WIPF3: variants seen among roughly 807,000 people sequenced by gnomAD.
WIPF3 encodes the protein WAS/WASL-interacting protein family member 3.
In WIPF3, 33 loss-of-function variants were observed where a neutral mutation model predicts 38.9. That is an observed-to-expected ratio of 0.85 (90% confidence interval 0.64 to 1.14). WIPF3 has a LOEUF of 1.14. Ranked by LOEUF, WIPF3 falls within the 50% of genes most tolerant of loss-of-function variation. The probability of loss-of-function intolerance (pLI) is 0.00; values close to 1 mark genes in which losing one functional copy is unlikely to be tolerated. For synonymous variants in WIPF3, 324 were observed against 269.3 expected, an observed-to-expected ratio of 1.20 and a Z score of -1.99; for missense variants, 711 against 652.5, an observed-to-expected ratio of 1.09 and a Z score of -0.98.
At chr7:29,832,199 A>G (rs904212180) in intron 1 of WIPF3, among the ~76,000 whole-genome samples, 1 of 152,192 alleles carries the variant, frequency 6.6e-6, no homozygotes, top group African/African-American at 2.4e-5. Flanking sequence ...TTTGCTATAA[A>G]TTTTTGACTA....
At chr7:29,817,375 T>C (rs1161011882) in intron 1 of WIPF3, among the ~76,000 whole-genome samples, 1 of 152,174 alleles carries the variant, frequency 6.6e-6, no homozygotes, top group African/African-American at 2.4e-5. Flanking sequence ...TATGTATTTA[T>C]TGCTTTGCAG....
chr7:29,868,517 A>AGTAT (rs1398376357), intron 2 of WIPF3, among the ~76,000 whole-genome samples: 1 of 72,772 alleles, frequency 1.4e-5, no homozygotes, highest in Non-Finnish European at 3.5e-5. Flanking sequence ...AATAATGAGA[A>AGTAT]GTATATATAT....
chr7:29,908,439 A>C (rs1220763929), intron 8 of WIPF3, among the ~76,000 whole-genome samples: 1 of 152,240 alleles, frequency 6.6e-6, no homozygotes, highest in African/African-American at 2.4e-5. Flanking sequence ...TGGGTGAAAC[A>C]ACCAGACAGG....
intron 2 of WIPF3, among the ~76,000 whole-genome samples, chr7:29,869,008 C>T (rs1785443431): frequency 6.6e-6 from 1 of 152,040 alleles, no homozygotes; most frequent in Non-Finnish European, 1.5e-5. Context: ...GCAATCTTAC[C>T]CATACTTCAT....
Position 29,854,067 on chromosome 7 carries a change from C to G in WIPF3, c.90+19253C>G, listed in dbSNP as rs75923008. On this transcript the variant is annotated intron_variant, in intron 2 of 8. Transcript: ENST00000242140. The stretch of plus-strand genomic sequence containing the variant: ...TCCCTAAGGAAGGAGATTGCACTTG[C>G]CTTGCCGTTCCTGGCATCAGCAGCA... Among the ~76,000 whole-genome samples the G allele has an allele frequency of 6.6e-3, 1,002 of 152,344 alleles. 5 individuals carry two copies. The highest frequency in any genetic ancestry group is 0.011 in the Non-Finnish European group (753 of 68,036).
chr7:29,853,185 G>A (rs1171919081), intron 2 of WIPF3, among the ~76,000 whole-genome samples: 1 of 152,180 alleles, frequency 6.6e-6, no homozygotes, highest in Non-Finnish European at 1.5e-5. Context: ...AGACTGTGTG[G>A]AGCCTGCCTC....
At chr7:29,834,255 T>C (rs1784764014) in intron 1 of WIPF3, among the ~76,000 whole-genome samples, 2 of 152,190 alleles carry the variant, frequency 1.3e-5, no homozygotes, top group Non-Finnish European at 2.9e-5. Context: ...TTCTGTTTGC[T>C]CTGCTTAGGA....
chr7:29,854,317 C>T (rs1311800281), intron 2 of WIPF3, among the ~76,000 whole-genome samples: 1 of 152,218 alleles, frequency 6.6e-6, no homozygotes, highest in African/African-American at 2.4e-5. Flanking sequence ...ATAAGACCCT[C>T]AAAAGTATTT....
intron 2 of WIPF3, among the ~76,000 whole-genome samples, chr7:29,865,143 A>C (rs1289023500): frequency 6.6e-6 from 1 of 152,158 alleles, no homozygotes; most frequent in Admixed American, 6.5e-5. Context: ...AGGCTTCAAA[A>C]GTCAAGTAAC....
At chr7:29,856,164 T>G (rs1174467869) in intron 2 of WIPF3, among the ~76,000 whole-genome samples, 1 of 152,206 alleles carries the variant, frequency 6.6e-6, no homozygotes, top group Non-Finnish European at 1.5e-5. Context: ...TTCATATCTT[T>G]AGGGGTTTTT....
At chr7:29,871,881 C>T (rs1447901381) in intron 2 of WIPF3, among the ~76,000 whole-genome samples, 2 of 152,254 alleles carry the variant, frequency 1.3e-5, no homozygotes, top group African/African-American at 2.4e-5. Context: ...CTAAGGTGAA[C>T]GTCTATTCTA....
intron 2 of WIPF3, among the ~76,000 whole-genome samples, chr7:29,853,431 C>T (rs911551737): frequency 3.3e-5 from 5 of 152,204 alleles, no homozygotes; most frequent in African/African-American, 1.2e-4. Context: ...GCACAGTGAG[C>T]TCCAGTGCTT....
chr7:29,881,964 T>C (rs1432451103), intron 4 of WIPF3, among the ~76,000 whole-genome samples: 5 of 152,174 alleles, frequency 3.3e-5, no homozygotes, highest in African/African-American at 1.2e-4. Context: ...CCCTCGGAGC[T>C]CTCTGTCGGC....
At position 29,875,757 on chromosome 7, in the gene WIPF3, A is replaced by G. The variant is rs557067065; in HGVS notation, c.91-73A>G. On this transcript the variant is annotated intron_variant, in intron 2 of 8. Coordinates refer to ENST00000242140, the MANE Select transcript of WIPF3 (RefSeq NM_001080529.3). Reference sequence around the variant, plus strand: ...GAAGACAGAGAACTGCAAGAGGAGAAACTGACAGCAGACAGGACATTTTGC... The same window carrying G: ...GAAGACAGAGAACTGCAAGAGGAGAGACTGACAGCAGACAGGACATTTTGC... 189 of 1,569,884 alleles carry G rather than the reference A, an allele frequency of 1.2e-4. 1 individual carries two copies. Among genetic ancestry groups the G allele is most frequent in the Non-Finnish European group, 1.5e-4 (173 of 1,149,318 alleles).
At chr7:29,850,167 C>T (rs1008252380) in intron 2 of WIPF3, among the ~76,000 whole-genome samples, 4 of 152,184 alleles carry the variant, frequency 2.6e-5, no homozygotes, top group Non-Finnish European at 5.9e-5. Flanking sequence ...AACTTCATTT[C>T]GTGAAGAGGC....
intron 8 of WIPF3, among the ~76,000 whole-genome samples, chr7:29,908,790 C>T (rs1257594640): frequency 1.3e-5 from 2 of 151,860 alleles, no homozygotes; most frequent in East Asian, 1.9e-4. Context: ...CACGTGTAGT[C>T]CCAGCTACTT....
intron 2 of WIPF3, 120 bp downstream of exon 2, chr7:29,834,934 T>C (rs1784777040): frequency 8.1e-7 from 1 of 1,239,636 alleles, no homozygotes; most frequent in Admixed American, 2.5e-5. Context: ...AGGTGGCATC[T>C]TAGGTGGCTG....
chr7:29,831,262 A>G (rs1784715654), intron 1 of WIPF3, among the ~76,000 whole-genome samples: 1 of 152,214 alleles, frequency 6.6e-6, no homozygotes, highest in Non-Finnish European at 1.5e-5. Context: ...AGTGTTTGAT[A>G]AGATTTGTTC....
At chr7:29,815,806 G>T (rs4345467) in intron 1 of WIPF3, among the ~76,000 whole-genome samples, 17,481 of 152,156 alleles carry the variant, frequency 0.11, 1,106 homozygotes, top group African/African-American at 0.16. Context: ...GTTATGACTG[G>T]TTTGGGGAGA....
Sources: gnomAD v4.1 joint callset for allele counts (sites outside exome capture counted in the v4.1 genomes callset) on GRCh38, gnomAD v4.1.1 for gene constraint, MANE v1.5 for transcripts, NCBI Gene and HGNC (gene_info 2026-07-23, HGNC 2026-07-21) for gene names.